CDH8: variants seen among roughly 807,000 people sequenced by gnomAD.
CDH8 encodes the protein cadherin 8, also known as cadherin-8.
In CDH8, 17 loss-of-function variants were observed where a neutral mutation model predicts 68.1. The ratio of observed to expected loss-of-function variants is 0.25; its 90% confidence interval spans 0.17 to 0.37. CDH8 has a LOEUF of 0.37. Ranked by LOEUF, CDH8 falls within the 10% of genes least tolerant of loss-of-function variation. The probability of loss-of-function intolerance (pLI) is 1.00; values close to 1 mark genes in which losing one functional copy is unlikely to be tolerated. For missense variants in CDH8, 763 were observed against 999.3 expected (o/e 0.76, Z 3.19); for synonymous variants, 372 against 365.1 (o/e 1.02, Z -0.21).
At position 62,021,142 on chromosome 16, in the gene CDH8, CAA is replaced by C. The variant is rs1902063893; in HGVS notation, c.252+8_252+9del. On this transcript the variant is annotated splice_region_variant and intron_variant, in intron 2 of 11. Transcript: ENST00000577390. ...GACCCTGAAATTGAGATCTTAAAAA[CAA>C]AGCTTACCCGGCCAACAAGAATCGG... 6.2e-7 allele frequency: 1 copy of C among 1,612,950 alleles called. No individual in the cohort carries two copies. Among genetic ancestry groups the C allele is most frequent in the Non-Finnish European group, 8.5e-7 (1 of 1,179,344 alleles).
At chr16:61,746,312 C>T (rs1234711524) in intron 8 of CDH8, among the ~76,000 whole-genome samples, 5 of 151,990 alleles carry the variant, frequency 3.3e-5, no homozygotes. Flanking sequence ...AATTCCAGGT[C>T]ACTGATTTCC....
At position 61,944,249 on chromosome 16, in the gene CDH8, G is replaced by T. The variant is rs189133263; in HGVS notation, c.253-42776C>A. Among the ~76,000 whole-genome samples, 114 of 152,354 alleles carry T rather than the reference G, an allele frequency of 7.5e-4. 1 individual carries two copies. Among genetic ancestry groups the T allele is most frequent in the African/African-American group, 2.5e-3 (105 of 41,600 alleles). ...CCCGTGAATTTTGCAACACTCAGTT[G>T]AGAAGCACAAAGTGACAGGAAATGA... On this transcript the variant is annotated intron_variant, in intron 2 of 11. Transcript: ENST00000577390.
chr16:61,706,538 G>T (rs1003525547), intron 10 of CDH8, among the ~76,000 whole-genome samples: 8 of 149,790 alleles, frequency 5.3e-5, no homozygotes, highest in Non-Finnish European at 1.0e-4. Context: ...GGAGAATGGC[G>T]TGAACGCCGG....
At chr16:61,903,955 A>G (rs75572892) in intron 2 of CDH8, among the ~76,000 whole-genome samples, 2 of 73,774 alleles carry the variant, frequency 2.7e-5, no homozygotes, top group Non-Finnish European at 6.0e-5. Context: ...AGCACTTTTT[A>G]AAAAAAAAAA....
At chr16:62,035,504 T>A (rs1220337949) in intron 1 of CDH8, among the ~76,000 whole-genome samples, 1 of 152,148 alleles carries the variant, frequency 6.6e-6, no homozygotes, top group Non-Finnish European at 1.5e-5. Context: ...CTGCCACTTG[T>A]GGGAAAGCCT....
chr16:61,930,110 CTG>C (rs752398354), intron 2 of CDH8, among the ~76,000 whole-genome samples: 10 of 151,978 alleles, frequency 6.6e-5, no homozygotes, highest in Non-Finnish European at 1.0e-4. Context: ...GTGATTATAA[CTG>C]AGAGCTGAAA....
chr16:61,704,608 C>T (rs559914107), intron 10 of CDH8, among the ~76,000 whole-genome samples: 3 of 152,292 alleles, frequency 2.0e-5, no homozygotes, highest in South Asian at 4.1e-4. Flanking sequence ...TTTTATCCTA[C>T]ATTCTTTCAT....
intron 3 of CDH8, among the ~76,000 whole-genome samples, chr16:61,862,139 A>T (rs1039452941): frequency 1.6e-5 from 1 of 63,544 alleles, no homozygotes; most frequent in Non-Finnish European, 2.7e-5. Context: ...CACCACTCAC[A>T]CACACACACA....
chr16:61,789,962 G>T (rs1961339401), intron 7 of CDH8, among the ~76,000 whole-genome samples: 1 of 151,960 alleles, frequency 6.6e-6, no homozygotes. Flanking sequence ...TTTGTTGTTG[G>T]TGGTGGTCGT....
At chr16:61,739,949 C>G (rs4784159) in intron 8 of CDH8, among the ~76,000 whole-genome samples, 4,233 of 136,682 alleles carry the variant, frequency 0.031, 296 homozygotes, top group East Asian at 0.23. Flanking sequence ...TGCTCTGTCA[C>G]CAGGCTGGAA....
chr16:62,001,649 T>A (rs1251934301), intron 2 of CDH8, among the ~76,000 whole-genome samples: 1 of 152,074 alleles, frequency 6.6e-6, no homozygotes, highest in East Asian at 1.9e-4. Flanking sequence ...GGGAGAGAAA[T>A]CCTTCTTACT....
At chr16:61,868,082 T>C (rs1963289431) in intron 3 of CDH8, among the ~76,000 whole-genome samples, 1 of 152,174 alleles carries the variant, frequency 6.6e-6, no homozygotes, top group Non-Finnish European at 1.5e-5. Flanking sequence ...AAATATTTAT[T>C]CATTTAATCT....
chr16:61,888,929 G>T (rs183865347), intron 3 of CDH8, among the ~76,000 whole-genome samples: 1 of 152,206 alleles, frequency 6.6e-6, no homozygotes, highest in African/African-American at 2.4e-5. Context: ...TGTAAAGTCT[G>T]ACATGGTTAT....
At chr16:61,852,681 C>T (rs997561229) in intron 4 of CDH8, among the ~76,000 whole-genome samples, 1 of 152,068 alleles carries the variant, frequency 6.6e-6, no homozygotes, top group Non-Finnish European at 1.5e-5. Context: ...GAAGTATAGA[C>T]TGGATACCAA....
chr16:61,849,128 TAAG>T (rs1274520568), intron 4 of CDH8, among the ~76,000 whole-genome samples: 1 of 152,108 alleles, frequency 6.6e-6, no homozygotes, highest in Non-Finnish European at 1.5e-5. Context: ...GCAAAGAACA[TAAG>T]AAAGGCAAGT....
At chr16:62,017,952 G>C (rs1298644181) in intron 2 of CDH8, among the ~76,000 whole-genome samples, 1 of 152,014 alleles carries the variant, frequency 6.6e-6, no homozygotes, top group East Asian at 1.9e-4. Flanking sequence ...CACCTAGTGA[G>C]GTAATTGTTA....
chr16:61,662,087 GTT>G, intron 10 of CDH8, among the ~76,000 whole-genome samples: 16,934 of 92,668 alleles, frequency 0.18, 1,531 homozygotes, highest in African/African-American at 0.32. Context: ...TTTTACTTTA[GTT>G]TTTTTTTTTT....
intron 8 of CDH8, among the ~76,000 whole-genome samples, chr16:61,748,469 A>G (rs1261889125): frequency 6.6e-6 from 1 of 152,072 alleles, no homozygotes; most frequent in Non-Finnish European, 1.5e-5. Context: ...TACCAAACAG[A>G]AAAACAAATA....
intron 3 of CDH8, among the ~76,000 whole-genome samples, chr16:61,884,408 C>T (rs1963634547): frequency 6.7e-6 from 1 of 148,680 alleles, no homozygotes; most frequent in Non-Finnish European, 1.5e-5. Flanking sequence ...GAGTCTCGCT[C>T]TATTGCCCAG....
Sources: gnomAD v4.1 joint callset for allele counts (sites outside exome capture counted in the v4.1 genomes callset) on GRCh38, gnomAD v4.1.1 for gene constraint, MANE v1.5 for transcripts, NCBI Gene and HGNC (gene_info 2026-07-23, HGNC 2026-07-21) for gene names.